IL16: variants seen among roughly 807,000 people sequenced by gnomAD.
IL16 encodes pro-interleukin-16.
IL16 carries 67 observed loss-of-function variants against 110.1 expected under a neutral mutation model. The observed-to-expected ratio is 0.61, with a 90% CI of 0.50 to 0.75. IL16 has a LOEUF of 0.75. Ranked by LOEUF, IL16 falls within the 30% of genes least tolerant of loss-of-function variation. The pLI is 0.00. For synonymous variants in IL16, 689 were observed against 662.9 expected (o/e 1.04, Z -0.61); for missense variants, 1,545 against 1,655.0 (o/e 0.93, Z 1.15).
At chr15:81,278,207 G>T (rs1899002245) in intron 6 of IL16, among the ~76,000 whole-genome samples, 1 of 152,076 alleles carries the variant, frequency 6.6e-6, no homozygotes, top group Non-Finnish European at 1.5e-5. Flanking sequence ...TGGTCCTGGG[G>T]ATATATCATC....
Position 81,303,275 on chromosome 15 carries a change from G to A in IL16, c.3319-274G>A. On this transcript the variant is annotated intron_variant, in intron 15 of 18. Transcript: ENST00000683961. The surrounding 1 kb of genome is among the most constrained non-coding windows in gnomAD (Gnocchi z 4.1). ...ATGCTGATTTCTGGCTGACTTCATG[G>A]CACTCCCCCTGCCCGGCTGTGGACA... is the stretch of plus-strand genomic sequence containing the variant. The A allele has an allele frequency of 2.7e-6, 1 of 370,506 alleles. No homozygotes were observed. Among genetic ancestry groups the A allele is most frequent in the Non-Finnish European group, 5.0e-6 (1 of 200,046 alleles). 23.0% of individuals were successfully genotyped at this position (370,506 alleles called of 1,614,324 possible).
rs1252228417 is a variant in IL16, at chr15:81,279,571, G to A, written c.878G>A (p.Gly293Glu). ...ALQKFKQAKK[G>E]LLTLTVRTRL... ...TCTTTCTTTCAGCAAGCCAAAAAGG[G>A]GCTCCTCACCCTCACCGTGAGAACC... Residue 293 changes from glycine (G) to glutamate (E), a missense_variant, in exon 8 of 19, where the codon GGG becomes GAG. Around this residue, in one of 3 missense-constraint regions of IL16, gnomAD observed 1,185 missense variants for 1,238.8 expected, o/e 0.96. Coordinates refer to ENST00000683961, the MANE Select transcript of IL16 (RefSeq NM_172217.5). The A allele has an allele frequency of 1.2e-6, 2 of 1,611,964 alleles. No homozygotes were observed. The highest frequency in any genetic ancestry group is 3.3e-5 in the Admixed American group (2 of 59,964).
chr15:81,255,019 A>G (rs1394464023), intron 2 of IL16, among the ~76,000 whole-genome samples: 4 of 152,226 alleles, frequency 2.6e-5, no homozygotes, highest in African/African-American at 4.8e-5. Context: ...ACAAGCTCAG[A>G]GTCATGAGAG....
At position 81,299,585 on chromosome 15, in the gene IL16, C is replaced by T. The variant is rs1227188872; in HGVS notation, c.2259C>T (p.His753=). ...SLNEEEGTQG[H]PDGTPPKLDT... is the part of the protein sequence containing the mutation. Reference sequence around the variant, plus strand: ...ATGAAGAAGAAGGGACACAGGGCCACCCAGATGGGACCCCACCAAAGCTGG... The same window carrying T: ...ATGAAGAAGAAGGGACACAGGGCCATCCAGATGGGACCCCACCAAAGCTGG... The change falls in exon 14 of 19, where the codon CAC becomes CAT. Residue 753 remains histidine, a synonymous_variant. Coordinates refer to ENST00000683961, the MANE Select transcript of IL16 (RefSeq NM_172217.5). The T allele has an allele frequency of 6.2e-7, 1 of 1,614,200 alleles. No homozygotes were observed. The highest frequency in any genetic ancestry group is 2.2e-5 in the East Asian group (1 of 44,882).
chr15:81,245,509 C>G (rs1380200618), intron 2 of IL16, among the ~76,000 whole-genome samples: 1 of 152,082 alleles, frequency 6.6e-6, no homozygotes, highest in Non-Finnish European at 1.5e-5. Flanking sequence ...AAAGTCCCAT[C>G]GCTCTACTCA....
intron 18 of IL16, chr15:81,306,894 A>G (rs1297326529): frequency 1.5e-5 from 5 of 344,606 alleles, no homozygotes; most frequent in Non-Finnish European, 2.8e-5. Flanking sequence ...GATCGATACT[A>G]TTTTAATGCA....
rs778219261 is a variant in IL16 at position 81,273,165 on chromosome 15, G to A, written c.751G>A (p.Ala251Thr). The change falls in exon 6 of 19, where the codon GCA becomes ACA. Residue 251 changes from alanine (A) to threonine (T), a missense_variant. Around this residue, in one of 3 missense-constraint regions of IL16, gnomAD observed 1,185 missense variants for 1,238.8 expected, o/e 0.96. Coordinates refer to ENST00000683961, the MANE Select transcript of IL16 (RefSeq NM_172217.5). ...PIGIYVKTIFAGGAAAADGRL... is the reference protein window; with the variant it reads ...PIGIYVKTIFTGGAAAADGRL... ...TGGGATTTACGTCAAAACCATTTTT[G>A]CAGGGGGAGCAGCAGCAGCCGATGG... is the stretch of plus-strand genomic sequence containing the variant. 3 of 1,613,428 alleles carry A rather than the reference G, an allele frequency of 1.9e-6. No individual in the cohort carries two copies. Among genetic ancestry groups the A allele is most frequent in the Admixed American group, 1.7e-5 (1 of 59,968 alleles).
At chr15:81,208,524 T>G (rs909328592) in intron 1 of IL16, among the ~76,000 whole-genome samples, 1 of 152,178 alleles carries the variant, frequency 6.6e-6, no homozygotes, top group Non-Finnish European at 1.5e-5. Context: ...GAGATGGGGT[T>G]TCACCGTGTT....
intron 1 of IL16, among the ~76,000 whole-genome samples, chr15:81,183,416 C>T (rs1895374669): frequency 6.6e-6 from 1 of 152,222 alleles, no homozygotes; most frequent in South Asian, 2.1e-4. Context: ...TCCAGATCCC[C>T]TACCTTCCTG....
intron 2 of IL16, among the ~76,000 whole-genome samples, chr15:81,240,970 G>T (rs1372118244): frequency 6.6e-6 from 1 of 151,942 alleles, no homozygotes; most frequent in Non-Finnish European, 1.5e-5. Flanking sequence ...AGTCTACCTG[G>T]AATTGATGTC....
chr15:81,292,968 T>C lies in IL16; in HGVS notation c.1833T>C (p.Pro611=). The change falls in exon 12 of 19, where the codon CCT becomes CCC. Residue 611 remains proline (P), a synonymous_variant. Coordinates refer to ENST00000683961, the MANE Select transcript of IL16 (RefSeq NM_172217.5). ...AATACTTTAAAAGTGACAGTGACCC[T>C]CAGAAGAGTCTGGAAGAGAGAGAGA... The part of the protein sequence containing the change: ...PRKYFKSDSD[P]QKSLEERENS... 6.2e-7 allele frequency: 1 copy of C among 1,613,808 alleles called. No individual in the cohort carries two copies. Among genetic ancestry groups the C allele is most frequent in the Non-Finnish European group, 8.5e-7 (1 of 1,179,970 alleles).
intron 2 of IL16, among the ~76,000 whole-genome samples, chr15:81,230,262 A>T (rs1896926013): frequency 6.6e-6 from 1 of 152,208 alleles, no homozygotes; most frequent in Admixed American, 6.5e-5. Context: ...GAATACAGGG[A>T]CTTACTGGCT....
intron 1 of IL16, among the ~76,000 whole-genome samples, chr15:81,209,237 T>TG (rs941032397): frequency 4.6e-5 from 7 of 151,940 alleles, no homozygotes. Context: ...GGCAAAGACA[T>TG]GTCAGGGAAA....
At chr15:81,286,285 G>A (rs1447099759) in intron 10 of IL16, among the ~76,000 whole-genome samples, 4 of 152,178 alleles carry the variant, frequency 2.6e-5, no homozygotes, top group Admixed American at 2.0e-4. Flanking sequence ...TAAGTCCTAT[G>A]AGAATACAGG....
chr15:81,250,472 T>C (rs986023980), intron 2 of IL16, among the ~76,000 whole-genome samples: 2 of 152,226 alleles, frequency 1.3e-5, no homozygotes, highest in African/African-American at 4.8e-5. Flanking sequence ...CCACCACACT[T>C]GACCTAGGAC....
At position 81,224,210 on chromosome 15, in the gene IL16, T is replaced by A. The variant is rs543221744; in HGVS notation, c.-101-1089T>A. 5.3e-5 allele frequency among the ~76,000 whole-genome samples: 8 copies of A among 152,356 alleles called. No homozygotes were observed. In the South Asian group the frequency reaches 1.0e-3, roughly 20 times the overall value. On this transcript the variant is annotated intron_variant, in intron 1 of 18. Coordinates refer to ENST00000683961, the MANE Select transcript of IL16 (RefSeq NM_172217.5). ...TGGAGGATATGTGAAAGGGTTTTGA[T>A]GTAATGAAATGTTATTAGGTCTCTG...
At chr15:81,194,365 C>T (rs1158543941), upstream of IL16, among the ~76,000 whole-genome samples, 1 of 151,726 alleles carries the variant, frequency 6.6e-6, no homozygotes, top group African/African-American at 2.4e-5. Flanking sequence ...TGTTTACTTG[C>T]CACAACAAAC....
intron 13 of IL16, among the ~76,000 whole-genome samples, chr15:81,297,727 T>C (rs1900058891): frequency 6.6e-6 from 1 of 152,140 alleles, no homozygotes; most frequent in South Asian, 2.1e-4. Flanking sequence ...CCCAAGCATA[T>C]GATGCATTCA....
chr15:81,260,403 G>A (rs186873176), intron 3 of IL16, among the ~76,000 whole-genome samples: 117 of 152,074 alleles, frequency 7.7e-4, no homozygotes, highest in Non-Finnish European at 1.3e-3. Flanking sequence ...CTTCACACAC[G>A]CATTTATTTA....
Sources: gnomAD v4.1 joint callset for allele counts (sites outside exome capture counted in the v4.1 genomes callset) on GRCh38, gnomAD v4.1.1 for gene constraint, gnomAD v4.1.1 regional missense constraint, Gnocchi (gnomAD v3.1) non-coding constraint, MANE v1.5 for transcripts, NCBI Gene and HGNC (gene_info 2026-07-23, HGNC 2026-07-21) for gene names.